Variants in GALNT15 observed in about 807,000 individuals in gnomAD.
GALNT15 encodes the protein polypeptide N-acetylgalactosaminyltransferase 15, also known as UDP-GalNAc transferase T15.
Under a neutral mutation model 66.8 loss-of-function variants are expected in GALNT15, and 67 were observed. That is an observed-to-expected ratio of 1.00 (90% CI 0.82 to 1.23). The LOEUF (loss-of-function observed/expected upper bound fraction) is 1.23. Among genes scored for constraint, GALNT15 ranks in the 50% most tolerant of loss-of-function variants. The pLI, the probability that GALNT15 is intolerant of heterozygous loss-of-function variation, is 0.00. For missense variants in GALNT15, 827 were observed against 804.3 expected, an observed-to-expected ratio of 1.03 and a Z score of -0.34; for synonymous variants, 313 against 311.5, an observed-to-expected ratio of 1.00 and a Z score of -0.05.
chr3:16,184,358 A>G lies in GALNT15; in HGVS notation c.539+8668A>G, dbSNP rs2063498492. 1.3e-5 allele frequency among the ~76,000 whole-genome samples: 2 copies of G among 152,310 alleles called. No homozygotes were observed. The highest frequency in any genetic ancestry group is 3.4e-3 in the Middle Eastern group (1 of 294). On this transcript the variant is annotated intron_variant, in intron 1 of 9. Coordinates refer to ENST00000339732, the MANE Select transcript of GALNT15 (RefSeq NM_054110.5). The surrounding 1 kb of genome is among the most constrained non-coding windows in gnomAD (Gnocchi z 5.0). The stretch of plus-strand genomic sequence containing the variant: ...TTTATGATGTTCAAGAGCCTTTGCC[A>G]TGCTCTGCCTCATTGGTTGGCTCAG...
At position 16,200,641 on chromosome 3, in the gene GALNT15, C is replaced by A. The variant is rs764567497; in HGVS notation, c.729C>A (p.Ser243Arg). The A allele has an allele frequency of 2.5e-6, 4 of 1,574,664 alleles. No homozygotes were observed. The Admixed American group carries it at 5.4e-5, about 21-fold the overall frequency. Residue 243 changes from serine (S) to arginine (R), a missense_variant, in exon 3 of 10, where the codon AGC becomes AGA. Coordinates refer to ENST00000339732, the MANE Select transcript of GALNT15 (RefSeq NM_054110.5). This position sits in a 1 kb window ranked among gnomAD's most constrained non-coding sequence, Gnocchi z 4.4. ...CAGGACAACTCAAGTCTGCTCTCAG[C>A]GAATATGTGGCCAGGCTGGAGGGGG... ...SQQGQLKSAL[S>R]EYVARLEGVK...
rs1393778304 is a variant in GALNT15, at chr3:16,188,615, G to A, written c.540-7145G>A. Among the ~76,000 whole-genome samples, 2 of 152,182 alleles carry A rather than the reference G, an allele frequency of 1.3e-5. No individual in the cohort carries two copies. The highest frequency in any genetic ancestry group is 4.8e-5 in the African/African-American group (2 of 41,440). On this transcript the variant is annotated intron_variant, in intron 1 of 9. Coordinates refer to ENST00000339732, the MANE Select transcript of GALNT15 (RefSeq NM_054110.5). This position sits in a 1 kb window ranked among gnomAD's most constrained non-coding sequence, Gnocchi z 4.6. Reference sequence around the variant, plus strand: ...CTGAACAAAGGGGTTGGAGCACTAGGAGGGGATGGTGTAGATGCAGTTCAG... The same window carrying A: ...CTGAACAAAGGGGTTGGAGCACTAGAAGGGGATGGTGTAGATGCAGTTCAG...
chr3:16,180,126 C>T lies in GALNT15; in HGVS notation c.539+4436C>T, dbSNP rs927105684. On this transcript the variant is annotated intron_variant, in intron 1 of 9. Coordinates refer to ENST00000339732, the MANE Select transcript of GALNT15 (RefSeq NM_054110.5). This position sits in a 1 kb window ranked among gnomAD's most constrained non-coding sequence, Gnocchi z 5.0. ...GATGGCTTGTTAAAAATACAGATTC[C>T]TGGCCTCCATTCCTCCAGTTTCTGA... Among the ~76,000 whole-genome samples the T allele has an allele frequency of 6.6e-6, 1 of 152,216 alleles. No individual in the cohort carries two copies. The highest frequency in any genetic ancestry group is 6.5e-5 in the Admixed American group (1 of 15,282).
intron 4 of GALNT15, among the ~76,000 whole-genome samples, chr3:16,210,306 A>G (rs1254373034): frequency 1.3e-5 from 2 of 152,234 alleles, no homozygotes; most frequent in Non-Finnish European, 2.9e-5. Context: ...CTGAATAATC[A>G]TTACAATATC....
At chr3:16,213,141 A>G (rs2063834968) in intron 6 of GALNT15, among the ~76,000 whole-genome samples, 1 of 152,166 alleles carries the variant, frequency 6.6e-6, no homozygotes, top group Non-Finnish European at 1.5e-5. Context: ...CCAAGACATG[A>G]AACAAATATT....
chr3:16,218,916 G>A (rs2063910075), intron 6 of GALNT15, among the ~76,000 whole-genome samples: 1 of 147,114 alleles, frequency 6.8e-6, no homozygotes, highest in South Asian at 2.2e-4. Context: ...CTGGGTTCAA[G>A]TGATTCTCCT....
Position 16,184,184 on chromosome 3 carries a change from G to C in GALNT15, c.539+8494G>C, listed in dbSNP as rs2063496540. Among the ~76,000 whole-genome samples the C allele has an allele frequency of 6.6e-6, 1 of 152,184 alleles. No individual in the cohort carries two copies. The highest frequency in any genetic ancestry group is 2.1e-4 in the South Asian group (1 of 4,824). On this transcript the variant is annotated intron_variant, in intron 1 of 9. Coordinates refer to ENST00000339732, the MANE Select transcript of GALNT15 (RefSeq NM_054110.5). The surrounding 1 kb of genome is among the most constrained non-coding windows in gnomAD (Gnocchi z 5.0). The stretch of plus-strand genomic sequence containing the variant: ...AAAGGAGGTCAGGGGTGGGGTTTTG[G>C]ACACTTGAGTGACACATACAAACCG...
rs117679745 is a variant in GALNT15, at chr3:16,181,322, C to G, written c.539+5632C>G. Among the ~76,000 whole-genome samples, 1 of 152,080 alleles carries G rather than the reference C, an allele frequency of 6.6e-6. No homozygotes were observed. Among genetic ancestry groups the G allele is most frequent in the Non-Finnish European group, 1.5e-5 (1 of 68,026 alleles). On this transcript the variant is annotated intron_variant, in intron 1 of 9. Transcript: ENST00000339732. The surrounding 1 kb of genome is among the most constrained non-coding windows in gnomAD (Gnocchi z 5.9). ...GCCTGGGCACCAAGAGCTTAAAACT[C>G]CCCAGGTGGTTCTATCGTGAAGCCA...
Position 16,219,399 on chromosome 3 carries a change from C to A in GALNT15, c.1393-4C>A, listed in dbSNP as rs763203812. 4 of 1,613,874 alleles carry A rather than the reference C, an allele frequency of 2.5e-6. No homozygotes were observed. The South Asian group carries it at 3.3e-5, about 13-fold the overall frequency. On this transcript the variant is annotated splice_region_variant and splice_polypyrimidine_tract_variant and intron_variant, in intron 6 of 9. Coordinates refer to ENST00000339732, the MANE Select transcript of GALNT15 (RefSeq NM_054110.5). The surrounding 1 kb of genome is among the most constrained non-coding windows in gnomAD (Gnocchi z 4.3). The stretch of plus-strand genomic sequence containing the variant: ...CATCCTGCTTGTGTCTTTCTCCTCC[C>A]CAGGCTGAGAAGCCAGACTGCATGG...
chr3:16,234,597 C>T (rs1277122048), downstream of GALNT15, among the ~76,000 whole-genome samples: 3 of 152,256 alleles, frequency 2.0e-5, no homozygotes, highest in Non-Finnish European at 4.4e-5. Context: ...ACATTCCCTT[C>T]TCCACTTCCT....
the GALNT15 span, among the ~76,000 whole-genome samples, chr3:16,245,885 G>C: frequency 3.9e-5 from 6 of 152,304 alleles, no homozygotes; most frequent in South Asian, 4.1e-4. Flanking sequence ...TATTTTTTCA[G>C]TGATTAACTG....
At chr3:16,214,674 G>C (rs890663324) in intron 6 of GALNT15, among the ~76,000 whole-genome samples, 1 of 152,206 alleles carries the variant, frequency 6.6e-6, no homozygotes, top group Non-Finnish European at 1.5e-5. Flanking sequence ...CTCTGGAAGA[G>C]ATAATGTTCA....
At chr3:16,220,463 G>A (rs560791272) in intron 8 of GALNT15, among the ~76,000 whole-genome samples, 17 of 152,176 alleles carry the variant, frequency 1.1e-4, no homozygotes, top group Admixed American at 2.6e-4. Context: ...CATTAGGAAG[G>A]TCTCCTCATA....
chr3:16,190,840 A>G (rs1280895711), intron 1 of GALNT15, among the ~76,000 whole-genome samples: 2 of 152,090 alleles, frequency 1.3e-5, no homozygotes, highest in Non-Finnish European at 2.9e-5. Flanking sequence ...GAAACACCAG[A>G]TTATTTCCAC....
Position 16,200,662 on chromosome 3 carries a change from G to C in GALNT15, c.750G>C (p.Glu250Asp). 1 of 1,600,306 alleles carries C rather than the reference G, an allele frequency of 6.2e-7. No homozygotes were observed. The highest frequency in any genetic ancestry group is 8.5e-7 in the Non-Finnish European group (1 of 1,173,114). Residue 250 changes from glutamate (E) to aspartate (D), a missense_variant, in exon 3 of 10, where the codon GAG becomes GAC. Glu to Asp is a conservative substitution (Grantham distance 45, BLOSUM62 2). Transcript: ENST00000339732. This position sits in a 1 kb window ranked among gnomAD's most constrained non-coding sequence, Gnocchi z 4.4. ...TCAGCGAATATGTGGCCAGGCTGGA[G>C]GGGGTGAAGTTACTCAGGAGCAACA... ...SALSEYVARL[E>D]GVKLLRSNKR...
intron 3 of GALNT15, among the ~76,000 whole-genome samples, chr3:16,207,741 G>T (rs936434463): frequency 1.3e-5 from 2 of 151,922 alleles, no homozygotes; most frequent in African/African-American, 2.4e-5. Flanking sequence ...TGAGAGCAGG[G>T]GTCCATAAAC....
chr3:16,242,935 TGA>T, the GALNT15 span, among the ~76,000 whole-genome samples: 1 of 151,144 alleles, frequency 6.6e-6, no homozygotes, highest in South Asian at 2.1e-4. This position sits in a 1 kb window ranked among gnomAD's most constrained non-coding sequence, Gnocchi z 5.6. Flanking sequence ...GAAGCAGGAG[TGA>T]GAGAGAGGGA....
intron 2 of GALNT15, among the ~76,000 whole-genome samples, chr3:16,199,979 G>T (rs2063681222): frequency 6.6e-6 from 1 of 152,184 alleles, no homozygotes; most frequent in Admixed American, 6.5e-5. Flanking sequence ...CTGCTATAAA[G>T]AACTGCCTGA....
chr3:16,193,045 G>T lies in GALNT15; in HGVS notation c.540-2715G>T, dbSNP rs1439526323. Among the ~76,000 whole-genome samples, 1 of 152,106 alleles carries T rather than the reference G, an allele frequency of 6.6e-6. No individual in the cohort carries two copies. Among genetic ancestry groups the T allele is most frequent in the South Asian group, 2.1e-4 (1 of 4,822 alleles). On this transcript the variant is annotated intron_variant, in intron 1 of 9. Transcript: ENST00000339732. The surrounding 1 kb of genome is among the most constrained non-coding windows in gnomAD (Gnocchi z 4.7). ...ATTACGTGAGATATTTTCATGATGG[G>T]GAGCTAGGTAAAGGGAACATAGGAA...
Sources: allele counts gnomAD v4.1 joint callset (sites outside exome capture counted in the v4.1 genomes callset), GRCh38; gene constraint gnomAD v4.1.1; non-coding constraint Gnocchi (gnomAD v3.1); transcripts MANE v1.5; gene names NCBI Gene and HGNC (gene_info 2026-07-23, HGNC 2026-07-21).